Variants in ASMTL observed in about 807,000 individuals in gnomAD.
ASMTL encodes acetylserotonin O-methyltransferase like, also known as probable bifunctional dTTP/UTP pyrophosphatase/methyltransferase protein.
A neutral mutation model predicts 60.3 loss-of-function variants in ASMTL; 57 were observed. That is an observed-to-expected ratio of 0.95 (90% confidence interval 0.76 to 1.18). ASMTL has a LOEUF of 1.18. ASMTL is among the 50% of genes most tolerant of loss of function. The probability of loss-of-function intolerance (pLI) is 0.00; values close to 1 mark genes in which losing one functional copy is unlikely to be tolerated. For missense variants in ASMTL, 981 were observed against 852.6 expected (o/e 1.15, Z -1.88); for synonymous variants, 419 against 373.0 (o/e 1.12, Z -1.42).
At chrX:1,415,843 C>A (rs1210335330) in intron 11 of ASMTL, among the ~76,000 whole-genome samples, 2 of 151,852 alleles carry the variant, frequency 1.3e-5, no homozygotes, top group Non-Finnish European at 2.9e-5. Context: ...CACGGACGCA[C>A]AGACACAGAC....
chrX:1,446,654 C>T (rs1479502707), intron 1 of ASMTL, among the ~76,000 whole-genome samples: 5 of 152,028 alleles, frequency 3.3e-5, no homozygotes, highest in Admixed American at 3.3e-4. Flanking sequence ...CGCCCGCCAC[C>T]ACGCCCGGCT....
At chrX:1,406,601 T>C (rs769617808) in intron 12 of ASMTL, among the ~76,000 whole-genome samples, 2 of 148,444 alleles carry the variant, frequency 1.3e-5, no homozygotes, top group East Asian at 4.1e-4. Flanking sequence ...TATGGGTGAA[T>C]AGATAGGTAG....
Position 1,412,817 on chromosome X carries a change from C to A in ASMTL, c.1560G>T (p.Leu520=). The A allele has an allele frequency of 6.2e-7, 1 of 1,613,982 alleles. No homozygotes were observed. Among genetic ancestry groups the A allele is most frequent in the Non-Finnish European group, 8.5e-7 (1 of 1,179,866 alleles). ...CATGCAGGATCCGGCACAGGACGTA[C>A]AGCTCAGCGCTGGGGAGGGGGTCCC... is the stretch of plus-strand genomic sequence containing the variant. The part of the protein sequence containing the change: ...FFRDPLPSAE[L]YVLCRILHDW... The change falls in exon 12 of 13, where the codon CTG becomes CTT. Residue 520 remains leucine, a synonymous_variant. Coordinates refer to ENST00000381317, the MANE Select transcript of ASMTL (RefSeq NM_004192.4).
chrX:1,449,594 TACC>T (rs1349072620), intron 1 of ASMTL, among the ~76,000 whole-genome samples: 1 of 151,470 alleles, frequency 6.6e-6, no homozygotes, highest in African/African-American at 2.4e-5. Context: ...GTAACTACCC[TACC>T]ATCACCAGTA....
At chrX:1,418,391 G>A (rs1411983111) in intron 10 of ASMTL, among the ~76,000 whole-genome samples, 1 of 151,872 alleles carries the variant, frequency 6.6e-6, no homozygotes, top group African/African-American at 2.4e-5. Flanking sequence ...AGACACAATG[G>A]CCGGTGCTAC....
chrX:1,446,064 C>T (rs1292018563), intron 1 of ASMTL, among the ~76,000 whole-genome samples: 29 of 152,282 alleles, frequency 1.9e-4, no homozygotes, highest in African/African-American at 5.3e-4. Flanking sequence ...GCTCCTAGTC[C>T]GCCTTCATGT....
At chrX:1,437,176 G>A (rs1471644839) in intron 3 of ASMTL, among the ~76,000 whole-genome samples, 4 of 151,880 alleles carry the variant, frequency 2.6e-5, no homozygotes, top group Admixed American at 1.3e-4. Context: ...GAGGCTGGAG[G>A]TCTGAGATCC....
chrX:1,418,140 C>CTG, intron 10 of ASMTL, 24 bp from the exon 11 acceptor site: 1 of 1,575,164 alleles, frequency 6.3e-7, no homozygotes, highest in South Asian at 1.2e-5. Flanking sequence ...AATGCATGCT[C>CTG]TGTGGCTGGG....
intron 1 of ASMTL, among the ~76,000 whole-genome samples, chrX:1,447,471 T>C (rs1483353300): frequency 3.3e-5 from 5 of 151,432 alleles, no homozygotes; most frequent in Non-Finnish European, 7.4e-5. Context: ...CACACGGCCA[T>C]GTTGGAGAAG....
At chrX:1,448,764 C>G (rs28578871) in intron 1 of ASMTL, among the ~76,000 whole-genome samples, 4,209 of 151,898 alleles carry the variant, frequency 0.028, 159 homozygotes, top group African/African-American at 0.096. Context: ...GGATAAGCAC[C>G]ACCATCTTGG....
rs2090944891 is a variant in ASMTL, at chrX:1,435,683, A to C, written c.338+11T>G. 1 of 1,613,364 alleles carries C rather than the reference A, an allele frequency of 6.2e-7. No individual in the cohort carries two copies. The highest frequency in any genetic ancestry group is 1.3e-5 in the African/African-American group (1 of 74,850). ...AACCCGAGAGGGCTCAGAGGCCAAC[A>C]TGGTGCTTACCGGGACAGCATCCTG... is the stretch of plus-strand genomic sequence containing the variant. On this transcript the variant is annotated intron_variant, in intron 4 of 12. Coordinates refer to ENST00000381317, the MANE Select transcript of ASMTL (RefSeq NM_004192.4).
intron 7 of ASMTL, among the ~76,000 whole-genome samples, chrX:1,426,926 T>A (rs763654898): frequency 6.6e-6 from 1 of 151,860 alleles, no homozygotes; most frequent in Non-Finnish European, 1.5e-5. Flanking sequence ...GAGGTTGCAG[T>A]GAGCCGAGAT....
At chrX:1,408,082 T>G (rs1466969774) in intron 12 of ASMTL, among the ~76,000 whole-genome samples, 1 of 150,982 alleles carries the variant, frequency 6.6e-6, no homozygotes, top group Non-Finnish European at 1.5e-5. Flanking sequence ...ATGCTGGTAC[T>G]CCCAAATACT....
At chrX:1,417,863 A>G (rs1224235929) in intron 11 of ASMTL, 110 bp downstream of exon 11, 3 of 1,416,826 alleles carry the variant, frequency 2.1e-6, no homozygotes, top group Non-Finnish European at 2.8e-6. Context: ...CATACCCACC[A>G]TGGAAACGCC....
intron 12 of ASMTL, among the ~76,000 whole-genome samples, chrX:1,404,424 CATGGATGAGATGG>C (rs1291305313): frequency 7.0e-6 from 1 of 142,056 alleles, no homozygotes; most frequent in Non-Finnish European, 1.5e-5. Flanking sequence ...TGGATGCAGG[CATGGATGAGATGG>C]ATGGATGGGT....
intron 7 of ASMTL, 52 bp downstream of exon 7, chrX:1,427,682 G>C: frequency 2.0e-6 from 3 of 1,532,688 alleles, no homozygotes; most frequent in South Asian, 2.4e-5. Flanking sequence ...GATTTAAGCC[G>C]AGTGTGTAGG....
intron 12 of ASMTL, among the ~76,000 whole-genome samples, chrX:1,412,117 A>G (rs2090052916): frequency 6.6e-6 from 1 of 151,548 alleles, no homozygotes; most frequent in Admixed American, 6.6e-5. Context: ...ACACCTGGCC[A>G]CACTGGCCAA....
chrX:1,403,712 A>G lies in ASMTL; in HGVS notation c.1646-223T>C, dbSNP rs182246357. 1,213 of 600,446 alleles carry G rather than the reference A, an allele frequency of 2.0e-3. 4 individuals carry two copies. The highest frequency in any genetic ancestry group is 4.5e-3 in the Admixed American group (154 of 34,056). The allele number at this position is 600,446 out of a possible 1,614,324, so 37.2% of individuals were successfully genotyped here. ...AGATTTGATCGAAAGATGGATGGATAGATGGATGCATCACCTGGGCCTTTT... is the reference window on the plus strand; with the variant it reads ...AGATTTGATCGAAAGATGGATGGATGGATGGATGCATCACCTGGGCCTTTT... On this transcript the variant is annotated intron_variant, in intron 12 of 12. Coordinates refer to ENST00000381317, the MANE Select transcript of ASMTL (RefSeq NM_004192.4).
chrX:1,432,183 C>A, intron 6 of ASMTL, 86 bp downstream of exon 6: 1 of 1,175,588 alleles, frequency 8.5e-7, no homozygotes. Context: ...TCCTTCTTTC[C>A]CAAAGGCTGG....
Sources: gnomAD v4.1 joint callset for allele counts (sites outside exome capture counted in the v4.1 genomes callset) on GRCh38, gnomAD v4.1.1 for gene constraint, MANE v1.5 for transcripts, NCBI Gene and HGNC (gene_info 2026-07-23, HGNC 2026-07-21) for gene names.